The following DEPTOR variants were observed in gnomAD, a reference collection of about 807,000 sequenced individuals.
The protein encoded by DEPTOR is DEP domain containing MTOR interacting protein, also known as DEP domain-containing mTOR-interacting protein.
Under a neutral mutation model 41.6 loss-of-function variants are expected in DEPTOR, and 41 were observed. The observed-to-expected ratio is 0.98, with a 90% CI of 0.77 to 1.28. The LOEUF is 1.28. Ranked by LOEUF, DEPTOR falls within the 50% of genes most tolerant of loss-of-function variation. The pLI is 0.00. For synonymous variants in DEPTOR, 195 were observed against 192.3 expected, an observed-to-expected ratio of 1.01 and a Z score of -0.12; for missense variants, 514 against 527.9, an observed-to-expected ratio of 0.97 and a Z score of 0.26.
chr8:119,919,573 A>C (rs1827864549), intron 1 of DEPTOR, among the ~76,000 whole-genome samples: 1 of 151,656 alleles, frequency 6.6e-6, no homozygotes, highest in Non-Finnish European at 1.5e-5. Flanking sequence ...TTTTAGACTC[A>C]GAGTCTTTCA....
chr8:120,048,032 C>CA (rs34841127), intron 8 of DEPTOR, among the ~76,000 whole-genome samples: 82 of 136,976 alleles, frequency 6.0e-4, no homozygotes, highest in South Asian at 2.2e-3. Context: ...GACTCCATGT[C>CA]AAAAAAAAAA....
intron 1 of DEPTOR, among the ~76,000 whole-genome samples, chr8:119,889,801 T>G (rs1391532715): frequency 6.6e-6 from 1 of 152,046 alleles, no homozygotes; most frequent in Admixed American, 6.5e-5. Flanking sequence ...AATTGACCCT[T>G]TAGCTTCTGG....
At chr8:119,962,297 G>A (rs1828504056) in intron 3 of DEPTOR, among the ~76,000 whole-genome samples, 1 of 151,914 alleles carries the variant, frequency 6.6e-6, no homozygotes, top group East Asian at 1.9e-4. Flanking sequence ...AAAGTTTTAT[G>A]GACAAACATG....
chr8:119,896,125 A>G (rs1174919842), intron 1 of DEPTOR, among the ~76,000 whole-genome samples: 3 of 152,178 alleles, frequency 2.0e-5, no homozygotes, highest in African/African-American at 7.2e-5. Flanking sequence ...CAACCTTCTC[A>G]ATAAATAGTA....
chr8:120,007,336 T>C (rs1812456123), intron 7 of DEPTOR, among the ~76,000 whole-genome samples: 1 of 151,872 alleles, frequency 6.6e-6, no homozygotes. Context: ...ATTAGGGGAG[T>C]GTTAAGCTAG....
intron 8 of DEPTOR, among the ~76,000 whole-genome samples, chr8:120,033,626 C>T (rs1444684104): frequency 2.0e-5 from 3 of 152,182 alleles, no homozygotes; most frequent in African/African-American, 2.4e-5. Context: ...GTTAGATGTT[C>T]TCTAGGAACG....
At chr8:120,032,650 C>T (rs1160585624) in intron 8 of DEPTOR, among the ~76,000 whole-genome samples, 1 of 152,182 alleles carries the variant, frequency 6.6e-6, no homozygotes, top group Non-Finnish European at 1.5e-5. Flanking sequence ...AGCTGGGGAG[C>T]AGAACTGCAT....
At chr8:119,913,677 G>C (rs1827775206) in intron 1 of DEPTOR, among the ~76,000 whole-genome samples, 1 of 152,166 alleles carries the variant, frequency 6.6e-6, no homozygotes, top group Non-Finnish European at 1.5e-5. Flanking sequence ...AGAAGTTTGA[G>C]TTGAGAGATT....
intron 3 of DEPTOR, among the ~76,000 whole-genome samples, chr8:119,939,647 C>A (rs1828176031): frequency 6.6e-6 from 1 of 151,810 alleles, no homozygotes; most frequent in Admixed American, 6.6e-5. Flanking sequence ...GCCATCATGC[C>A]CGGTTTTAGT....
chr8:119,883,470 T>A (rs1357354814), intron 1 of DEPTOR, among the ~76,000 whole-genome samples: 3 of 54,258 alleles, frequency 5.5e-5, no homozygotes, highest in Non-Finnish European at 1.2e-4. Context: ...GCGAGACTCG[T>A]CTTAAAAAAA....
At chr8:120,009,258 C>T in intron 8 of DEPTOR, 125 bp downstream of exon 8, 1 of 797,780 alleles carries the variant, frequency 1.3e-6, no homozygotes, top group Non-Finnish European at 2.0e-6. Flanking sequence ...TCTGCCCTCT[C>T]TTTCTTGTTC....
chr8:119,939,270 G>A (rs1254491058), intron 3 of DEPTOR, among the ~76,000 whole-genome samples: 2 of 152,170 alleles, frequency 1.3e-5, no homozygotes, highest in African/African-American at 2.4e-5. Context: ...ATCTTCTGTA[G>A]CGGCAAGCTT....
chr8:119,943,868 C>T (rs1166956353), intron 3 of DEPTOR, among the ~76,000 whole-genome samples: 2 of 152,034 alleles, frequency 1.3e-5, no homozygotes, highest in African/African-American at 2.4e-5. Flanking sequence ...GACGGAGTCT[C>T]GTTTTGTTGC....
At chr8:119,913,181 A>G (rs559061757) in intron 1 of DEPTOR, among the ~76,000 whole-genome samples, 2 of 152,320 alleles carry the variant, frequency 1.3e-5, no homozygotes, top group East Asian at 3.9e-4. Flanking sequence ...TCGGCCTCCC[A>G]AAGTGCTGGG....
At chr8:120,006,769 A>C (rs1459592880) in intron 6 of DEPTOR, 36 bp from the exon 7 acceptor site, 4 of 1,597,424 alleles carry the variant, frequency 2.5e-6, no homozygotes, top group African/African-American at 1.3e-5. Context: ...GAGGACTTGG[A>C]AGTGCTTATG....
At chr8:119,876,071 A>T (rs546540614) in intron 1 of DEPTOR, among the ~76,000 whole-genome samples, 1 of 152,180 alleles carries the variant, frequency 6.6e-6, no homozygotes, top group Non-Finnish European at 1.5e-5. Flanking sequence ...CATTTATTTT[A>T]CAAATATTAA....
chr8:120,013,906 C>T (rs1341058162), intron 8 of DEPTOR, among the ~76,000 whole-genome samples: 9 of 148,910 alleles, frequency 6.0e-5, no homozygotes, highest in African/African-American at 2.2e-4. Flanking sequence ...GTGGCGGGAT[C>T]TCAGCTCACT....
chr8:119,984,603 C>CT (rs1359983062), intron 4 of DEPTOR, among the ~76,000 whole-genome samples: 1 of 152,086 alleles, frequency 6.6e-6, no homozygotes, highest in African/African-American at 2.4e-5. Context: ...TGAACTCATC[C>CT]TTTTTTATGG....
rs540445904 is a variant in DEPTOR at position 120,001,780 on chromosome 8, C to G, written c.790+70C>G. ...GAGAAATAGTGGAGCCATGACTCAC[C>G]TTTGTGAAATTCTGTTCTCTATCAG... On this transcript the variant is annotated intron_variant, in intron 5 of 8. Transcript: ENST00000286234. 6.0e-6 allele frequency: 9 copies of G among 1,497,812 alleles called. No individual in the cohort carries two copies. In the African/African-American group the frequency reaches 1.1e-4, roughly 19 times the overall value. The allele number at this position is 1,497,812 out of a possible 1,614,324, so 92.8% of individuals were successfully genotyped here.
Sources: gnomAD v4.1 joint callset for allele counts (sites outside exome capture counted in the v4.1 genomes callset) on GRCh38, gnomAD v4.1.1 for gene constraint, MANE v1.5 for transcripts, NCBI Gene and HGNC (gene_info 2026-07-23, HGNC 2026-07-21) for gene names.